DNAH9: variants seen among roughly 807,000 people sequenced by gnomAD.
The protein encoded by DNAH9 is DNAH9 variant protein.
A neutral mutation model predicts 471.6 loss-of-function variants in DNAH9; 345 were observed. The ratio of observed to expected loss-of-function variants is 0.73; its 90% CI spans 0.67 to 0.80. The LOEUF (loss-of-function observed/expected upper bound fraction) is 0.80. Ranked by LOEUF, DNAH9 falls within the 30% of genes least tolerant of loss-of-function variation. The pLI, the probability that DNAH9 is intolerant of heterozygous loss-of-function variation, is 0.00. For missense variants in DNAH9, 5,407 were observed against 5,609.2 expected (o/e 0.96, Z 1.15); for synonymous variants, 2,093 against 2,123.6 (o/e 0.99, Z 0.40).
At chr17:11,663,204 A>G (rs1021888817) in intron 14 of DNAH9, among the ~76,000 whole-genome samples, 3 of 152,238 alleles carry the variant, frequency 2.0e-5, no homozygotes, top group South Asian at 2.1e-4. Flanking sequence ...TTCCAACACT[A>G]TATGGCCTAC....
At chr17:11,896,160 A>AG (rs1973210742) in intron 59 of DNAH9, among the ~76,000 whole-genome samples, 2 of 152,210 alleles carry the variant, frequency 1.3e-5, no homozygotes, top group Non-Finnish European at 2.9e-5. Context: ...TATATTGGTT[A>AG]GGGCCCATAC....
At chr17:11,947,059 G>C (rs1487223295) in intron 67 of DNAH9, among the ~76,000 whole-genome samples, 1 of 152,182 alleles carries the variant, frequency 6.6e-6, no homozygotes, top group Non-Finnish European at 1.5e-5. Context: ...AGGACTACAG[G>C]AGCTCAAAGC....
At chr17:11,732,029 C>T (rs1228085157) in intron 28 of DNAH9, among the ~76,000 whole-genome samples, 1 of 152,124 alleles carries the variant, frequency 6.6e-6, no homozygotes, top group Non-Finnish European at 1.5e-5. Context: ...TTCTCTATGC[C>T]CTTCACTCCT....
chr17:11,923,900 C>T lies in DNAH9; in HGVS notation c.11836C>T (p.Leu3946=), dbSNP rs1416007576. ...ACAGGAAGTGGTGGCTGAGGCTGCG[C>T]TGGACCTCGCTGCCAAGAAAGGTCA... ...QGQEVVAEAA[L]DLAAKKGHWV... The change falls in exon 62 of 69, where the codon CTG becomes TTG. Residue 3946 remains leucine (L), a synonymous_variant. Coordinates refer to ENST00000262442, the MANE Select transcript of DNAH9 (RefSeq NM_001372.4). 1.9e-6 allele frequency: 3 copies of T among 1,614,056 alleles called. No homozygotes were observed. Among genetic ancestry groups the T allele is most frequent in the Non-Finnish European group, 1.7e-6 (2 of 1,179,960 alleles).
chr17:11,812,431 A>C (rs1251826193), intron 45 of DNAH9, among the ~76,000 whole-genome samples: 1 of 151,920 alleles, frequency 6.6e-6, no homozygotes, highest in African/African-American at 2.4e-5. Flanking sequence ...TATATATTGT[A>C]AGTAATATAT....
chr17:11,760,376 G>T (rs1197693152), intron 35 of DNAH9, among the ~76,000 whole-genome samples: 1 of 152,102 alleles, frequency 6.6e-6, no homozygotes, highest in East Asian at 1.9e-4. Flanking sequence ...CTTTGTTTGT[G>T]CATGTGTGCC....
chr17:11,650,976 T>C (rs762218002), intron 12 of DNAH9, 93 bp from the exon 13 acceptor site: 817 of 1,331,652 alleles, frequency 6.1e-4, no homozygotes, highest in Non-Finnish European at 8.2e-4. Flanking sequence ...CAGAAGATCT[T>C]TGGGCCTCCT....
intron 28 of DNAH9, among the ~76,000 whole-genome samples, chr17:11,737,869 G>A (rs1299046606): frequency 1.3e-5 from 2 of 152,234 alleles, no homozygotes; most frequent in South Asian, 2.1e-4. Flanking sequence ...GCTATGAGGA[G>A]TTAAACCAAG....
intron 43 of DNAH9, among the ~76,000 whole-genome samples, chr17:11,800,547 C>G (rs779022092): frequency 6.6e-6 from 1 of 152,172 alleles, no homozygotes; most frequent in Non-Finnish European, 1.5e-5. Flanking sequence ...TTTCTCCGCT[C>G]CTATCCGCAA....
In DNAH9 at chr17:11,869,222, C is replaced by T; in HGVS notation, c.10022C>T (p.Thr3341Ile). The change falls in exon 51 of 69, where the codon ACC becomes ATC. Residue 3341 changes from threonine (T) to isoleucine (I), a missense_variant. By Grantham distance (89) the Thr-to-Ile change is moderately conservative. Around this residue, in one of 3 missense-constraint regions of DNAH9, gnomAD observed 4,636 missense variants for 4,900.3 expected, o/e 0.95. Coordinates refer to ENST00000262442, the MANE Select transcript of DNAH9 (RefSeq NM_001372.4). ...KLKCQQEAEV[T>I]AVTISLANRL... ...AAATGTCAGCAAGAAGCCGAAGTGACCGCAGTCACCATCTCCCTTGCCAAC... is the reference window on the plus strand; with the variant it reads ...AAATGTCAGCAAGAAGCCGAAGTGATCGCAGTCACCATCTCCCTTGCCAAC... 6.2e-7 allele frequency: 1 copy of T among 1,613,760 alleles called. No individual in the cohort carries two copies. Among genetic ancestry groups the T allele is most frequent in the Non-Finnish European group, 8.5e-7 (1 of 1,179,790 alleles).
rs762611201 is a variant in DNAH9 at position 11,854,151 on chromosome 17, A to G, written c.9656A>G (p.Asp3219Gly). The change falls in exon 50 of 69, where the codon GAT becomes GGT. Residue 3219 changes from aspartate to glycine, a missense_variant. Asp to Gly is a moderately conservative substitution (Grantham distance 94). Coordinates refer to ENST00000262442, the MANE Select transcript of DNAH9 (RefSeq NM_001372.4). ...KAAKVTMAKV[D>G]GFLDSLINFN... ...GCTAAGGTCACCATGGCCAAAGTGG[A>G]TGGCTTCCTGGACTCGCTAATAAAC... 6.2e-7 allele frequency: 1 copy of G among 1,614,164 alleles called. No homozygotes were observed. Among genetic ancestry groups the G allele is most frequent in the African/African-American group, 1.3e-5 (1 of 75,044 alleles).
intron 12 of DNAH9, among the ~76,000 whole-genome samples, chr17:11,650,352 T>C (rs1173907285): frequency 1.3e-5 from 2 of 152,168 alleles, no homozygotes; most frequent in Non-Finnish European, 2.9e-5. Flanking sequence ...TAAGGAAGGA[T>C]GAAGAAGAGA....
chr17:11,884,787 G>A (rs1944362429), intron 56 of DNAH9, among the ~76,000 whole-genome samples: 1 of 152,086 alleles, frequency 6.6e-6, no homozygotes, highest in African/African-American at 2.4e-5. Flanking sequence ...GGGCATGAGA[G>A]TTTGTAAAGT....
intron 15 of DNAH9, among the ~76,000 whole-genome samples, chr17:11,668,334 A>G (rs927710748): frequency 1.3e-5 from 2 of 152,112 alleles, no homozygotes; most frequent in Admixed American, 6.5e-5. Context: ...TGTGCCTAGG[A>G]AGAAATCAGC....
chr17:11,938,712 C>T (rs1327931363), intron 66 of DNAH9, among the ~76,000 whole-genome samples: 2 of 152,172 alleles, frequency 1.3e-5, no homozygotes, highest in African/African-American at 4.8e-5. Flanking sequence ...AATCCTTCCA[C>T]CTCAGCCTCC....
In DNAH9 at chr17:11,598,568, C is replaced by G. The variant is rs774227660; in HGVS notation, c.70C>G (p.Arg24Gly). The G allele has an allele frequency of 9.8e-5, 132 of 1,343,384 alleles. 2 individuals are homozygous for G. The highest frequency in any genetic ancestry group is 6.3e-4 in the South Asian group (40 of 63,380). The allele number at this position is 1,343,384 out of a possible 1,614,324, so 83.2% of individuals were successfully genotyped here. ...NADGEPGADR[R>G]LRLLGTYVAM... ...GGATGGGGAACCCGGCGCCGACCGA[C>G]GACTGCGACTCCTGGGGACCTACGT... The change falls in exon 1 of 69, where the codon CGA becomes GGA. Residue 24 changes from arginine to glycine, a missense_variant. Arg to Gly is a moderately radical substitution (Grantham distance 125). Around this residue, in one of 3 missense-constraint regions of DNAH9, gnomAD observed 767 missense variants for 692.5 expected, o/e 1.11. Coordinates refer to ENST00000262442, the MANE Select transcript of DNAH9 (RefSeq NM_001372.4).
At chr17:11,820,474 C>T (rs562848385) in intron 45 of DNAH9, among the ~76,000 whole-genome samples, 2 of 151,830 alleles carry the variant, frequency 1.3e-5, no homozygotes, top group African/African-American at 2.4e-5. Context: ...TGTCCTTGTT[C>T]GTTAACCTCA....
chr17:11,946,199 CAAAAAA>C (rs34028612), intron 67 of DNAH9, among the ~76,000 whole-genome samples: 3 of 47,358 alleles, frequency 6.3e-5, no homozygotes, highest in South Asian at 8.7e-4. Context: ...GAGTCCATCT[CAAAAAA>C]AAAAAAAAAA....
intron 41 of DNAH9, among the ~76,000 whole-genome samples, chr17:11,791,584 G>A (rs948937310): frequency 3.9e-5 from 6 of 152,056 alleles, no homozygotes; most frequent in African/African-American, 4.8e-5. Context: ...GGTGGTGCGT[G>A]CCTATAATTC....
Sources: gnomAD v4.1 joint callset for allele counts (sites outside exome capture counted in the v4.1 genomes callset) on GRCh38, gnomAD v4.1.1 for gene constraint, gnomAD v4.1.1 regional missense constraint, MANE v1.5 for transcripts, NCBI Gene and HGNC (gene_info 2026-07-23, HGNC 2026-07-21) for gene names.